Variants in MAGI1 observed in about 807,000 individuals in gnomAD.
The protein encoded by MAGI1 is membrane associated guanylate kinase, WW and PDZ domain containing 1.
A neutral mutation model predicts 139.9 loss-of-function variants in MAGI1; 58 were observed. That is an observed-to-expected ratio of 0.41 (90% confidence interval 0.34 to 0.52). MAGI1 has a LOEUF of 0.52. Among genes scored for constraint, MAGI1 ranks in the 20% least tolerant of loss-of-function variants. The probability of loss-of-function intolerance (pLI) is 0.12; values close to 1 mark genes in which losing one functional copy is unlikely to be tolerated. For synonymous variants in MAGI1, 812 were observed against 737.9 expected (o/e 1.10, Z -1.63); for missense variants, 1,874 against 1,901.6 (o/e 0.99, Z 0.27).
At chr3:65,390,372 AAGAAAACATC>A (rs1943821563) in intron 14 of MAGI1, among the ~76,000 whole-genome samples, 1 of 152,160 alleles carries the variant, frequency 6.6e-6, no homozygotes, top group Admixed American at 6.5e-5. Flanking sequence ...TGACCATTAT[AAGAAAACATC>A]AGAAAACAGC....
chr3:65,824,494 T>C (rs1485514432), intron 1 of MAGI1, among the ~76,000 whole-genome samples: 2 of 152,188 alleles, frequency 1.3e-5, no homozygotes, highest in African/African-American at 2.4e-5. Context: ...TTAGAAAACA[T>C]GTGAACGGTG....
chr3:65,707,797 T>C (rs182430276), intron 1 of MAGI1, among the ~76,000 whole-genome samples: 63 of 151,178 alleles, frequency 4.2e-4, no homozygotes, highest in African/African-American at 1.4e-3. Flanking sequence ...TTACACACCC[T>C]CTCAAGCTTC....
chr3:65,795,108 G>C (rs1229669244), intron 1 of MAGI1, among the ~76,000 whole-genome samples: 2 of 152,116 alleles, frequency 1.3e-5, no homozygotes, highest in Non-Finnish European at 2.9e-5. Flanking sequence ...AAACTAAACA[G>C]GTGACTATCA....
At chr3:65,877,948 AG>A (rs1340806383) in intron 1 of MAGI1, among the ~76,000 whole-genome samples, 1 of 152,014 alleles carries the variant, frequency 6.6e-6, no homozygotes, top group African/African-American at 2.4e-5. Context: ...CTCTACAAAA[AG>A]TGTTTTAAAA....
Position 65,356,553 on chromosome 3 carries a change from C to T in MAGI1, c.4214G>A (p.Arg1405His). The T allele has an allele frequency of 6.2e-7, 1 of 1,608,694 alleles. No individual in the cohort carries two copies. The highest frequency in any genetic ancestry group is 8.5e-7 in the Non-Finnish European group (1 of 1,179,510). ...RAKSTDRRRA[R>H]SPERRRERSL... ...CCGCTCTCTCCTGCGCTCGGGGGAG[C>T]GTGCGCGCCTCCGGTCGGTGGACTT... is the stretch of plus-strand genomic sequence containing the variant. The change falls in exon 23 of 23, where the codon CGC becomes CAC. Residue 1405 changes from arginine to histidine, a missense_variant. By Grantham distance (29) the Arg-to-His change is conservative. Transcript: ENST00000402939.
intron 1 of MAGI1, among the ~76,000 whole-genome samples, chr3:65,883,256 A>G (rs186142317): frequency 6.6e-6 from 1 of 152,286 alleles, no homozygotes; most frequent in Admixed American, 6.5e-5. Flanking sequence ...TTACTACACA[A>G]CAGTTATTGA....
intron 22 of MAGI1, among the ~76,000 whole-genome samples, chr3:65,358,275 A>G (rs1179776799): frequency 6.6e-6 from 1 of 152,314 alleles, no homozygotes; most frequent in East Asian, 1.9e-4. Context: ...CAAGTCATCC[A>G]CATGACACCA....
At chr3:65,995,318 A>G (rs1450175498) in intron 1 of MAGI1, among the ~76,000 whole-genome samples, 4 of 152,260 alleles carry the variant, frequency 2.6e-5, no homozygotes, top group Non-Finnish European at 5.9e-5. Context: ...AGAGGAGTTC[A>G]GCAATAGCCA....
chr3:65,558,127 TATC>T (rs968122425), intron 2 of MAGI1, among the ~76,000 whole-genome samples: 1 of 152,200 alleles, frequency 6.6e-6, no homozygotes, highest in African/African-American at 2.4e-5. Context: ...GAAGGATAAT[TATC>T]ATCATTCTCA....
intron 1 of MAGI1, among the ~76,000 whole-genome samples, chr3:65,940,697 AT>A (rs1332660149): frequency 6.6e-6 from 1 of 152,214 alleles, no homozygotes; most frequent in African/African-American, 2.4e-5. Flanking sequence ...CAGCTTTAGT[AT>A]TGGTAACATT....
chr3:65,607,862 T>G (rs2082832541), intron 2 of MAGI1, among the ~76,000 whole-genome samples: 1 of 152,096 alleles, frequency 6.6e-6, no homozygotes, highest in Non-Finnish European at 1.5e-5. Context: ...GTACTACAAC[T>G]ATAAAAAAGA....
intron 2 of MAGI1, among the ~76,000 whole-genome samples, chr3:65,610,752 A>ACTATATATATATATATATATACT (rs201546372): frequency 6.5e-5 from 8 of 123,272 alleles, no homozygotes; most frequent in Admixed American, 4.2e-4. Flanking sequence ...GTATATATAC[A>ACTATATATATATATATATATACT]GTATATATAT....
intron 2 of MAGI1, among the ~76,000 whole-genome samples, chr3:65,544,846 C>G (rs931936170): frequency 2.0e-5 from 3 of 152,154 alleles, no homozygotes; most frequent in African/African-American, 7.2e-5. Flanking sequence ...TTTCTGAAAA[C>G]AAACATAATG....
chr3:65,525,959 AG>A (rs1559637736), intron 2 of MAGI1, among the ~76,000 whole-genome samples: 2 of 152,194 alleles, frequency 1.3e-5, no homozygotes, highest in Admixed American at 1.3e-4. Context: ...ACCAAGTCAC[AG>A]GGGGAAATCA....
chr3:65,941,697 C>G (rs1290974542), intron 1 of MAGI1, among the ~76,000 whole-genome samples: 4 of 151,204 alleles, frequency 2.6e-5, no homozygotes, highest in Admixed American at 2.0e-4. Context: ...AGTTTGGCTT[C>G]TCTCATAAAT....
chr3:65,586,644 T>C (rs765313164), intron 2 of MAGI1, among the ~76,000 whole-genome samples: 24 of 152,054 alleles, frequency 1.6e-4, no homozygotes, highest in Non-Finnish European at 3.1e-4. Flanking sequence ...AAATACTAAA[T>C]ACACAAAAAT....
rs1207792454 is a variant in MAGI1 at position 65,442,814 on chromosome 3, C to T, written c.1114G>A (p.Val372Ile). 3.1e-6 allele frequency: 5 copies of T among 1,613,014 alleles called. No homozygotes were observed. Among genetic ancestry groups the T allele is most frequent in the Non-Finnish European group, 2.5e-6 (3 of 1,179,298 alleles). ...TACTCTACATAGTAGATACCATAGA[C>T]AGGGTCTTCAATCTTTTCCCAACCA... ...PAGWEKIEDP[V>I]YGIYYVDHIN... Residue 372 changes from valine to isoleucine, a missense_variant, in exon 8 of 23, where the codon GTC (valine) becomes ATC (isoleucine). Around this residue, in one of 5 missense-constraint regions of MAGI1, gnomAD observed 648 missense variants for 598.1 expected, o/e 1.08. Transcript: ENST00000402939.
chr3:65,832,757 C>A (rs1267423905), intron 1 of MAGI1, among the ~76,000 whole-genome samples: 1 of 152,112 alleles, frequency 6.6e-6, no homozygotes, highest in Non-Finnish European at 1.5e-5. Flanking sequence ...GACTACCCAT[C>A]AGGCAAAGCA....
At chr3:65,618,059 G>C (rs1334782380) in intron 2 of MAGI1, among the ~76,000 whole-genome samples, 1 of 152,168 alleles carries the variant, frequency 6.6e-6, no homozygotes, top group Non-Finnish European at 1.5e-5. Flanking sequence ...ACTTCGTGGA[G>C]GAAGTGGCAT....
Sources: allele counts gnomAD v4.1 joint callset (sites outside exome capture counted in the v4.1 genomes callset), GRCh38; gene constraint gnomAD v4.1.1; regional missense constraint gnomAD v4.1.1; transcripts MANE v1.5; gene names NCBI Gene and HGNC (gene_info 2026-07-23, HGNC 2026-07-21).